The following SCAPER variants were observed in gnomAD, a reference collection of about 807,000 sequenced individuals.
SCAPER encodes S-phase cyclin A associated protein in the ER, also known as S phase cyclin A-associated protein in the endoplasmic reticulum.
In SCAPER, 98 loss-of-function variants were observed where a neutral mutation model predicts 182.2. The observed-to-expected ratio is 0.54, with a 90% CI of 0.46 to 0.64. The LOEUF (loss-of-function observed/expected upper bound fraction) is 0.64. Among genes scored for constraint, SCAPER ranks in the 30% least tolerant of loss-of-function variants. The pLI, the probability that SCAPER is intolerant of heterozygous loss-of-function variation, is 0.00. For missense variants in SCAPER, 1,432 were observed against 1,690.0 expected, an observed-to-expected ratio of 0.85 and a Z score of 2.68; for synonymous variants, 605 against 564.6, an observed-to-expected ratio of 1.07 and a Z score of -1.01.
chr15:76,868,635 A>T (rs1190124664), intron 2 of SCAPER, among the ~76,000 whole-genome samples: 2 of 152,182 alleles, frequency 1.3e-5, no homozygotes, highest in Non-Finnish European at 2.9e-5. Flanking sequence ...GATGAATGAG[A>T]ATGAGGAGGA....
At chr15:76,512,587 C>A (rs980291525) in intron 23 of SCAPER, among the ~76,000 whole-genome samples, 1 of 151,890 alleles carries the variant, frequency 6.6e-6, no homozygotes, top group African/African-American at 2.4e-5. Flanking sequence ...TGGGTCAGCA[C>A]TGCAGAAGTG....
In SCAPER at chr15:76,669,594, C is replaced by A. The variant is rs574952802; in HGVS notation, c.2509-3805G>T. Reference sequence around the variant, plus strand: ...CATACATTATTTCCTATCATCTTCACAATCCCATAAAGCAGGTGGTAGTAT... The same window carrying A: ...CATACATTATTTCCTATCATCTTCAAAATCCCATAAAGCAGGTGGTAGTAT... On this transcript the variant is annotated intron_variant, in intron 20 of 31. Transcript: ENST00000563290. Among the ~76,000 whole-genome samples the A allele has an allele frequency of 1.9e-3, 290 of 152,298 alleles. 2 individuals carry two copies. Among genetic ancestry groups the A allele is most frequent in the Non-Finnish European group, 3.4e-3 (231 of 68,014 alleles).
At chr15:76,819,332 C>A (rs1022894977) in intron 5 of SCAPER, among the ~76,000 whole-genome samples, 1 of 152,160 alleles carries the variant, frequency 6.6e-6, no homozygotes, top group Non-Finnish European at 1.5e-5. Flanking sequence ...TGGGAGCCAC[C>A]CCCCAGTAGG....
intron 27 of SCAPER, among the ~76,000 whole-genome samples, chr15:76,385,713 G>A (rs753153869): frequency 5.1e-4 from 77 of 152,148 alleles, no homozygotes; most frequent in Non-Finnish European, 5.3e-4. Context: ...GCACAAACAG[G>A]CATGATGTTC....
At chr15:76,482,244 C>A (rs1010067309) in intron 24 of SCAPER, among the ~76,000 whole-genome samples, 6 of 152,038 alleles carry the variant, frequency 3.9e-5, no homozygotes, top group African/African-American at 1.4e-4. Flanking sequence ...TATTTGATTG[C>A]CTAATGGTAT....
chr15:76,804,691 GA>G, intron 5 of SCAPER, 58 bp from the exon 6 acceptor site: 26 of 1,075,640 alleles, frequency 2.4e-5, no homozygotes, highest in South Asian at 8.0e-5. Flanking sequence ...AAACTTTGAA[GA>G]AAAAAAAGAG....
chr15:76,895,444 T>C (rs2152613636), intron 1 of SCAPER, among the ~76,000 whole-genome samples: 1 of 151,922 alleles, frequency 6.6e-6, no homozygotes, highest in East Asian at 1.9e-4. Flanking sequence ...TTTAAAAGCT[T>C]TTCCTCTAAG....
intron 26 of SCAPER, among the ~76,000 whole-genome samples, chr15:76,415,375 T>C (rs188407137): frequency 1.3e-5 from 2 of 152,260 alleles, no homozygotes; most frequent in South Asian, 2.1e-4. Context: ...GTATATACCC[T>C]TGAGAAACTC....
chr15:76,378,370 A>G (rs1196776480), intron 28 of SCAPER, among the ~76,000 whole-genome samples: 1 of 152,098 alleles, frequency 6.6e-6, no homozygotes, highest in East Asian at 1.9e-4. Flanking sequence ...TTCCACTTAA[A>G]ATCTCTTTTC....
At chr15:76,719,688 A>AT (rs1291727838) in intron 17 of SCAPER, among the ~76,000 whole-genome samples, 1 of 152,124 alleles carries the variant, frequency 6.6e-6, no homozygotes, top group African/African-American at 2.4e-5. Flanking sequence ...AATAAAAACT[A>AT]TTTTTTAAAA....
At chr15:76,548,726 A>C (rs1288248127) in intron 23 of SCAPER, among the ~76,000 whole-genome samples, 2 of 152,258 alleles carry the variant, frequency 1.3e-5, no homozygotes, top group Non-Finnish European at 2.9e-5. Context: ...TGGTGCTTGG[A>C]AAACTGGCTA....
At chr15:76,531,087 A>G (rs1405943498) in intron 23 of SCAPER, among the ~76,000 whole-genome samples, 1 of 152,116 alleles carries the variant, frequency 6.6e-6, no homozygotes, top group African/African-American at 2.4e-5. Flanking sequence ...CTAATTGAAT[A>G]TAACAAAAAT....
chr15:76,639,695 C>T (rs2053945178), intron 21 of SCAPER, among the ~76,000 whole-genome samples: 1 of 151,588 alleles, frequency 6.6e-6, no homozygotes, highest in Admixed American at 6.6e-5. Flanking sequence ...AATGTCCCCC[C>T]ACCACCTCTC....
chr15:76,535,207 C>A (rs1337013108), intron 23 of SCAPER, among the ~76,000 whole-genome samples: 1 of 152,094 alleles, frequency 6.6e-6, no homozygotes, highest in African/African-American at 2.4e-5. Flanking sequence ...GACACATTAT[C>A]ATCCTCTGCT....
intron 20 of SCAPER, among the ~76,000 whole-genome samples, chr15:76,672,348 A>G (rs2057081045): frequency 6.6e-6 from 1 of 152,234 alleles, no homozygotes. Flanking sequence ...CAAAGTTATC[A>G]GAAGAAAACA....
intron 21 of SCAPER, among the ~76,000 whole-genome samples, chr15:76,642,813 T>C (rs2146401921): frequency 6.6e-6 from 1 of 152,326 alleles, no homozygotes; most frequent in Non-Finnish European, 1.5e-5. Flanking sequence ...AGACTCCAGT[T>C]TGAGACATTT....
intron 17 of SCAPER, among the ~76,000 whole-genome samples, chr15:76,720,300 T>C (rs2060144267): frequency 6.6e-6 from 1 of 152,126 alleles, no homozygotes; most frequent in Admixed American, 6.5e-5. Flanking sequence ...GGTGTATATG[T>C]GCCACATTTT....
At chr15:76,815,670 C>T (rs927472203) in intron 5 of SCAPER, among the ~76,000 whole-genome samples, 2 of 152,182 alleles carry the variant, frequency 1.3e-5, no homozygotes, top group Non-Finnish European at 2.9e-5. Context: ...CCTGTCAGAT[C>T]AGGAGCAGCA....
chr15:76,738,864 G>A (rs573077811), intron 15 of SCAPER, among the ~76,000 whole-genome samples: 1 of 152,108 alleles, frequency 6.6e-6, no homozygotes, highest in Non-Finnish European at 1.5e-5. Context: ...GACATGAAGT[G>A]AGCACGTGTT....
Sources: allele counts gnomAD v4.1 joint callset (sites outside exome capture counted in the v4.1 genomes callset), GRCh38; gene constraint gnomAD v4.1.1; transcripts MANE v1.5; gene names NCBI Gene and HGNC (gene_info 2026-07-23, HGNC 2026-07-21).